IFT43: variants seen among roughly 807,000 people sequenced by gnomAD.
The protein encoded by IFT43 is intraflagellar transport 43.
A neutral mutation model predicts 32.3 loss-of-function variants in IFT43; 33 were observed. That is an observed-to-expected ratio of 1.02 (90% confidence interval 0.77 to 1.37). IFT43 has a LOEUF of 1.37. Among genes scored for constraint, IFT43 ranks in the 40% most tolerant of loss-of-function variants. IFT43 has a pLI of 0.00. For missense variants in IFT43, 274 were observed against 265.9 expected, an observed-to-expected ratio of 1.03 and a Z score of -0.21; for synonymous variants, 93 against 98.2, an observed-to-expected ratio of 0.95 and a Z score of 0.31.
intron 3 of IFT43, among the ~76,000 whole-genome samples, chr14:76,044,449 C>G (rs1184801189): frequency 1.3e-5 from 2 of 152,202 alleles, no homozygotes; most frequent in Non-Finnish European, 2.9e-5. Context: ...GCCACCCTCC[C>G]ATCACCTGAA....
intron 2 of IFT43, among the ~76,000 whole-genome samples, chr14:75,997,536 T>C (rs907596605): frequency 6.6e-6 from 1 of 152,246 alleles, no homozygotes; most frequent in African/African-American, 2.4e-5. Flanking sequence ...GATTTCAGAT[T>C]CTATTGCAAT....
At chr14:76,037,038 G>A (rs558690808) in intron 3 of IFT43, among the ~76,000 whole-genome samples, 2 of 152,192 alleles carry the variant, frequency 1.3e-5, no homozygotes, top group East Asian at 3.8e-4. Flanking sequence ...GTGTTGCCCA[G>A]GTGGCCATGA....
chr14:76,056,490 T>G (rs1426341199), intron 3 of IFT43, among the ~76,000 whole-genome samples: 2 of 152,212 alleles, frequency 1.3e-5, no homozygotes, highest in Non-Finnish European at 2.9e-5. Context: ...ATTAGCATTA[T>G]CATTATTGTT....
In IFT43 at chr14:76,022,211, A is replaced by T; in HGVS notation, c.148-116A>T. On this transcript the variant is annotated intron_variant, in intron 2 of 8. Transcript: ENST00000314067. Reference sequence around the variant, plus strand: ...GGTTCCAGTGAGCTGAGGTCGCACCACTGCACTCCAGCCTGGGTGACAGAG... The same window carrying T: ...GGTTCCAGTGAGCTGAGGTCGCACCTCTGCACTCCAGCCTGGGTGACAGAG... 1.8e-5 allele frequency: 16 copies of T among 902,692 alleles called. No homozygotes were observed. In the South Asian group the frequency reaches 2.2e-4, roughly 12 times the overall value. The allele number at this position is 902,692 out of a possible 1,614,324, so 55.9% of individuals were successfully genotyped here.
At chr14:76,056,837 A>G (rs748525361) in intron 3 of IFT43, among the ~76,000 whole-genome samples, 2 of 152,174 alleles carry the variant, frequency 1.3e-5, no homozygotes, top group African/African-American at 2.4e-5. Context: ...GGTGGCTTTG[A>G]TGGCTACTGG....
At chr14:76,020,052 G>T (rs2036262022) in intron 2 of IFT43, among the ~76,000 whole-genome samples, 1 of 151,940 alleles carries the variant, frequency 6.6e-6, no homozygotes, top group African/African-American at 2.4e-5. Flanking sequence ...TCAGCTCACT[G>T]CAACCTCTGA....
chr14:76,069,146 C>T (rs2037275855), intron 5 of IFT43, among the ~76,000 whole-genome samples: 1 of 152,088 alleles, frequency 6.6e-6, no homozygotes, highest in Non-Finnish European at 1.5e-5. Flanking sequence ...AGCTTCCACT[C>T]ATGGCAGAAG....
intron 3 of IFT43, among the ~76,000 whole-genome samples, chr14:76,046,347 A>G (rs910131443): frequency 6.6e-6 from 1 of 152,102 alleles, no homozygotes; most frequent in African/African-American, 2.4e-5. Flanking sequence ...TGAGGTCAAC[A>G]GGTCAGGTGG....
chr14:76,063,706 G>A (rs968713108), intron 5 of IFT43, among the ~76,000 whole-genome samples: 1 of 152,212 alleles, frequency 6.6e-6, no homozygotes, highest in African/African-American at 2.4e-5. Flanking sequence ...GGCGGGAAAT[G>A]GAGTCTTAAA....
intron 3 of IFT43, among the ~76,000 whole-genome samples, chr14:76,053,249 T>G (rs941689209): frequency 6.6e-6 from 1 of 152,166 alleles, no homozygotes; most frequent in African/African-American, 2.4e-5. Flanking sequence ...TTGTCATCAG[T>G]CGTCATCCTT....
At chr14:76,064,021 G>A (rs2037187196) in intron 5 of IFT43, among the ~76,000 whole-genome samples, 1 of 152,140 alleles carries the variant, frequency 6.6e-6, no homozygotes, top group Admixed American at 6.6e-5. Context: ...TTCCGGGCAG[G>A]GGATGGGGGG....
intron 2 of IFT43, among the ~76,000 whole-genome samples, chr14:76,007,748 T>C (rs2036006833): frequency 6.6e-6 from 1 of 152,216 alleles, no homozygotes; most frequent in Admixed American, 6.5e-5. Context: ...AGAATTTTTA[T>C]GTTGGCTGAA....
chr14:76,063,616 C>A (rs190533192), intron 5 of IFT43, among the ~76,000 whole-genome samples: 91 of 152,298 alleles, frequency 6.0e-4, no homozygotes, highest in African/African-American at 1.8e-3. Flanking sequence ...TGTCTGGAAA[C>A]AGTAGTACCA....
intron 3 of IFT43, among the ~76,000 whole-genome samples, chr14:76,032,264 C>T (rs577282079): frequency 1.3e-5 from 2 of 152,314 alleles, no homozygotes; most frequent in East Asian, 3.9e-4. Flanking sequence ...CTGGCTGCAG[C>T]CACCATCATT....
At chr14:76,012,223 C>T (rs993146161) in intron 2 of IFT43, among the ~76,000 whole-genome samples, 3 of 152,188 alleles carry the variant, frequency 2.0e-5, no homozygotes, top group Non-Finnish European at 2.9e-5. Flanking sequence ...TTCTCCAGGA[C>T]TTCTGAGAGT....
chr14:76,014,146 A>G, intron 2 of IFT43: 1 of 272,382 alleles, frequency 3.7e-6, no homozygotes, highest in Non-Finnish European at 7.5e-6. Flanking sequence ...CATGGACTAA[A>G]ATCTACTGCA....
intron 3 of IFT43, among the ~76,000 whole-genome samples, chr14:76,040,711 G>A (rs1192497971): frequency 3.9e-5 from 6 of 152,236 alleles, no homozygotes; most frequent in Admixed American, 3.3e-4. Context: ...GGGGACAGCA[G>A]TGTGTCCCCA....
At chr14:76,003,022 A>T (rs563735753) in intron 2 of IFT43, among the ~76,000 whole-genome samples, 2 of 152,214 alleles carry the variant, frequency 1.3e-5, no homozygotes, top group Non-Finnish European at 2.9e-5. Context: ...ATTTCTTCTT[A>T]TTATGTGACA....
chr14:76,040,781 C>G (rs1374049015), intron 3 of IFT43, among the ~76,000 whole-genome samples: 1 of 152,204 alleles, frequency 6.6e-6, no homozygotes, highest in Non-Finnish European at 1.5e-5. Context: ...GCGGAGCAGT[C>G]CTCCTGACAA....
Sources: gnomAD v4.1 joint callset for allele counts (sites outside exome capture counted in the v4.1 genomes callset) on GRCh38, gnomAD v4.1.1 for gene constraint, MANE v1.5 for transcripts, NCBI Gene and HGNC (gene_info 2026-07-23, HGNC 2026-07-21) for gene names.